SLC6A7: variants seen among roughly 807,000 people sequenced by gnomAD.
The protein encoded by SLC6A7 is sodium-dependent proline transporter.
A neutral mutation model predicts 73.1 loss-of-function variants in SLC6A7; 58 were observed. That is an observed-to-expected ratio of 0.79 (90% CI 0.64 to 0.99). SLC6A7 has a LOEUF of 0.99. Ranked by LOEUF, SLC6A7 falls within the 50% of genes least tolerant of loss-of-function variation. The pLI, the probability that SLC6A7 is intolerant of heterozygous loss-of-function variation, is 0.00. For synonymous variants in SLC6A7, 338 were observed against 338.7 expected, an observed-to-expected ratio of 1.00 and a Z score of 0.02; for missense variants, 783 against 831.4, an observed-to-expected ratio of 0.94 and a Z score of 0.72.
At chr5:150,204,738 T>A (rs1753590811) in intron 11 of SLC6A7, 89 bp from the exon 12 acceptor site, 8 of 1,342,216 alleles carry the variant, frequency 6.0e-6, no homozygotes, top group Non-Finnish European at 7.5e-6. Flanking sequence ...GGCCAGGGTT[T>A]CCAGTGGGGG....
chr5:150,195,699 C>T (rs765708903), intron 2 of SLC6A7, among the ~76,000 whole-genome samples: 2 of 152,236 alleles, frequency 1.3e-5, no homozygotes, highest in South Asian at 2.1e-4. Flanking sequence ...CTGTCTCTAG[C>T]AAACTCTGAA....
At position 150,206,199 on chromosome 5, in the gene SLC6A7, C is replaced by T. The variant is rs749534174; in HGVS notation, c.1701+576C>T. On this transcript the variant is annotated intron_variant, in intron 13 of 13. Transcript: ENST00000230671. The stretch of plus-strand genomic sequence containing the variant: ...TGTGGTCTGAGCCTCATTGCACCCT[C>T]TGAACACTGAGGCCAGCACTTCTGC... Among the ~76,000 whole-genome samples, 7 of 152,174 alleles carry T rather than the reference C, an allele frequency of 4.6e-5. 1 individual carries two copies. The highest frequency in any genetic ancestry group is 2.0e-4 in the Admixed American group (3 of 15,274).
chr5:150,193,754 C>A (rs1752888358), intron 1 of SLC6A7, among the ~76,000 whole-genome samples: 1 of 152,200 alleles, frequency 6.6e-6, no homozygotes. Context: ...AGCCTGGCCA[C>A]CTGCCCTTTG....
At chr5:150,197,632 G>A (rs372288398) in intron 4 of SLC6A7, among the ~76,000 whole-genome samples, 10 of 149,238 alleles carry the variant, frequency 6.7e-5, no homozygotes, top group African/African-American at 2.4e-4. Flanking sequence ...GATGATAACA[G>A]TAATAGTAAC....
At position 150,199,321 on chromosome 5, in the gene SLC6A7, C is replaced by A; in HGVS notation, c.678C>A (p.Val226=). 6.2e-7 allele frequency: 1 copy of A among 1,614,126 alleles called. No homozygotes were observed. Among genetic ancestry groups the A allele is most frequent in the Non-Finnish European group, 8.5e-7 (1 of 1,179,980 alleles). ...GCCTCTGCCTGCTGCTGGCCTGGGT[C>A]ATCGTGTTCCTCTGTATCCTCAAGG... ...NLCLCLLLAW[V]IVFLCILKGV... is the part of the protein sequence containing the mutation. The change falls in exon 5 of 14, where the codon GTC becomes GTA. Residue 226 remains valine, a synonymous_variant. Coordinates refer to ENST00000230671, the MANE Select transcript of SLC6A7 (RefSeq NM_014228.5).
chr5:150,204,500 A>T, intron 10 of SLC6A7, 32 bp from the exon 11 acceptor site: 1 of 1,530,440 alleles, frequency 6.5e-7, no homozygotes, highest in South Asian at 1.1e-5. Flanking sequence ...GAGGCCCAGG[A>T]AGGGGACACC....
chr5:150,209,207 T>C (rs1397658957), intron 13 of SLC6A7, among the ~76,000 whole-genome samples, 199 bp from the exon 14 acceptor site: 1 of 152,218 alleles, frequency 6.6e-6, no homozygotes, highest in African/African-American at 2.4e-5. Context: ...AGCTTGCAAG[T>C]GGTAGAACAG....
At position 150,190,254 on chromosome 5, in the gene SLC6A7, G is replaced by A; in HGVS notation, c.-74G>A. Reference sequence around the variant, plus strand: ...GAGCCGCGGGGGCAAAGGCGCAGTGGCCAGCGGACCATCTCTCGTGCCCTC... The same window carrying A: ...GAGCCGCGGGGGCAAAGGCGCAGTGACCAGCGGACCATCTCTCGTGCCCTC... On this transcript the variant is annotated 5_prime_UTR_variant, in exon 1 of 14. Coordinates refer to ENST00000230671, the MANE Select transcript of SLC6A7 (RefSeq NM_014228.5). 1 of 1,306,230 alleles carries A rather than the reference G, an allele frequency of 7.7e-7. No individual in the cohort carries two copies. The highest frequency in any genetic ancestry group is 1.0e-6 in the Non-Finnish European group (1 of 955,198). 80.9% of individuals were successfully genotyped at this position (1,306,230 alleles called of 1,614,324 possible). A position where few individuals can be genotyped will look rare whatever the true frequency, so the allele number is the denominator to read the frequency against.
intron 2 of SLC6A7, among the ~76,000 whole-genome samples, chr5:150,195,628 T>A (rs1339740021): frequency 6.6e-6 from 1 of 152,188 alleles, no homozygotes; most frequent in African/African-American, 2.4e-5. Context: ...AGACCCAACA[T>A]TCCAACCCAG....
intron 2 of SLC6A7, 62 bp from the exon 3 acceptor site, chr5:150,196,654 T>C: frequency 6.4e-7 from 1 of 1,551,082 alleles, no homozygotes; most frequent in Non-Finnish European, 8.8e-7. Context: ...GGGGCGGGGC[T>C]AGAGCTGGGC....
intron 13 of SLC6A7, 137 bp from the exon 14 acceptor site, chr5:150,209,269 C>T (rs1753845717): frequency 1.4e-6 from 1 of 715,240 alleles, no homozygotes. Flanking sequence ...ATAGTGCCCC[C>T]CACTTCCCCG....
At chr5:150,202,760 C>T (rs1220568457) in intron 8 of SLC6A7, 57 bp downstream of exon 8, 1 of 1,580,418 alleles carries the variant, frequency 6.3e-7, no homozygotes. Flanking sequence ...AGAGATGGGG[C>T]TGGGCCAGTG....
Position 150,201,117 on chromosome 5 carries a change from A to G in SLC6A7, c.752A>G (p.Tyr251Cys), listed in dbSNP as rs766668067. The G allele has an allele frequency of 9.2e-5, 148 of 1,613,556 alleles. No homozygotes were observed. The highest frequency in any genetic ancestry group is 1.2e-4 in the Non-Finnish European group (141 of 1,179,794). Residue 251 changes from tyrosine to cysteine, a missense_variant, in exon 6 of 14, where the codon TAC (tyrosine) becomes TGC (cysteine). Transcript: ENST00000230671. Reference sequence around the variant, plus strand: ...GTGTATTTCACGGCCACGTTCCCCTACCTCATCCTGCTCATGCTGCTGGTC... The same window carrying G: ...GTGTATTTCACGGCCACGTTCCCCTGCCTCATCCTGCTCATGCTGCTGGTC... Reference protein sequence around the residue: ...KVVYFTATFPYLILLMLLVRG... With the variant: ...KVVYFTATFPCLILLMLLVRG...
chr5:150,191,257 G>A (rs1422572385), intron 1 of SLC6A7, among the ~76,000 whole-genome samples: 3 of 152,190 alleles, frequency 2.0e-5, no homozygotes, highest in African/African-American at 7.2e-5. Flanking sequence ...GTGTGGGGAA[G>A]AATGCTAAAG....
intron 9 of SLC6A7, 33 bp downstream of exon 9, chr5:150,203,812 G>A (rs1753521609): frequency 6.8e-7 from 1 of 1,462,306 alleles, no homozygotes; most frequent in African/African-American, 1.6e-5. Context: ...GGCACCCCGT[G>A]TGTGTGTGGT....
chr5:150,208,521 G>A (rs1753807998), intron 13 of SLC6A7, among the ~76,000 whole-genome samples: 1 of 152,198 alleles, frequency 6.6e-6, no homozygotes, highest in Non-Finnish European at 1.5e-5. Flanking sequence ...CCAGTGAGAT[G>A]TGCAGCCATT....
chr5:150,206,360 C>T (rs920504423), intron 13 of SLC6A7, among the ~76,000 whole-genome samples: 12 of 152,202 alleles, frequency 7.9e-5, no homozygotes, highest in Non-Finnish European at 4.4e-5. Context: ...GTGCTGGAGC[C>T]AGCTAGCACT....
intron 1 of SLC6A7, among the ~76,000 whole-genome samples, chr5:150,191,831 T>C (rs1752800704): frequency 6.6e-6 from 1 of 152,032 alleles, no homozygotes; most frequent in Non-Finnish European, 1.5e-5. Context: ...CTCTTCCCTC[T>C]CTGCCCTCCC....
intron 4 of SLC6A7, 26 bp from the exon 5 acceptor site, chr5:150,199,202 G>T: frequency 6.4e-7 from 1 of 1,564,926 alleles, no homozygotes; most frequent in Non-Finnish European, 8.7e-7. Flanking sequence ...GTGACCAGGG[G>T]ACACTGAGAC....
Sources: allele counts gnomAD v4.1 joint callset (sites outside exome capture counted in the v4.1 genomes callset), GRCh38; gene constraint gnomAD v4.1.1; transcripts MANE v1.5; gene names NCBI Gene and HGNC (gene_info 2026-07-23, HGNC 2026-07-21).